Variants in EP300 observed in about 807,000 individuals in gnomAD.
EP300 encodes EP300 lysine acetyltransferase, also known as histone acetyltransferase p300.
Under a neutral mutation model 264.0 loss-of-function variants are expected in EP300, and 31 were observed. The ratio of observed to expected loss-of-function variants is 0.12; its 90% CI spans 0.09 to 0.16. The LOEUF (loss-of-function observed/expected upper bound fraction) is 0.16, where lower values mean the gene tolerates loss of function less well. Among genes scored for constraint, EP300 ranks in the 10% least tolerant of loss-of-function variants. The pLI, the probability that EP300 is intolerant of heterozygous loss-of-function variation, is 1.00. For missense variants in EP300, 2,766 were observed against 3,052.9 expected, an observed-to-expected ratio of 0.91 and a Z score of 2.21; for synonymous variants, 1,340 against 1,045.4, an observed-to-expected ratio of 1.28 and a Z score of -5.44.
chr22:41,098,579 G>T (rs1286399841), intron 1 of EP300, among the ~76,000 whole-genome samples: 1 of 152,114 alleles, frequency 6.6e-6, no homozygotes, highest in Non-Finnish European at 1.5e-5. Flanking sequence ...CACCGTGTTA[G>T]CAAGGATGGT....
intron 3 of EP300, among the ~76,000 whole-genome samples, chr22:41,126,729 CTTTTTTTTTTTTTTTTTTTT>C (rs71328775): frequency 4.1e-5 from 2 of 48,792 alleles, no homozygotes; most frequent in Non-Finnish European, 6.8e-5. Flanking sequence ...GAAATGTTCA[CTTTTTTTTTTTTTTTTTTTT>C]TTTTTTTTTT....
At chr22:41,108,244 C>CTTTTTTTTTTTTTTTTTT (rs1184276266) in intron 1 of EP300, 29 of 112,034 alleles carry the variant, frequency 2.6e-4, no homozygotes, top group East Asian at 5.0e-4. Flanking sequence ...TTTTCTTTTT[C>CTTTTTTTTTTTTTTTTTT]TTTTTTTTTT....
intron 1 of EP300, among the ~76,000 whole-genome samples, chr22:41,100,092 G>A (rs1325463679): frequency 1.3e-5 from 2 of 152,090 alleles, no homozygotes; most frequent in Non-Finnish European, 2.9e-5. Context: ...AGTCAGCAAG[G>A]CATGGTGGCA....
Position 41,149,111 on chromosome 22 carries a change from C to T in EP300, c.2315C>T (p.Ser772Leu), listed in dbSNP as rs776869457. ...TTCCTTCCTCAGACTCAGTTCCCAT[C>T]ACAGGGAATGAATGTAACAAATATC... ...GQFLPQTQFP[S>L]QGMNVTNIPL... is the part of the protein sequence containing the mutation. The change falls in exon 13 of 31, where the codon TCA becomes TTA. Residue 772 changes from serine to leucine, a missense_variant. Transcript: ENST00000263253. 1.2e-6 allele frequency: 2 copies of T among 1,613,548 alleles called. No homozygotes were observed. The highest frequency in any genetic ancestry group is 2.2e-5 in the East Asian group (1 of 44,862).
In EP300 at chr22:41,117,090, G is replaced by T. The variant is rs2144342; in HGVS notation, c.95-97G>T. 0.64 allele frequency: 682,526 copies of T among 1,068,178 alleles called. 220,636 individuals carry two copies. The highest frequency in any genetic ancestry group is 0.79 in the Admixed American group (41,562 of 52,306). The allele number at this position is 1,068,178 out of a possible 1,614,324, so 66.2% of individuals were successfully genotyped here. ...AAATAGAAAAACATGGAGTGAGGTTGGGAAATGACATTTAATGCTTATTGA... is the reference window on the plus strand; with the variant it reads ...AAATAGAAAAACATGGAGTGAGGTTTGGAAATGACATTTAATGCTTATTGA... On this transcript the variant is annotated intron_variant, in intron 1 of 30. Transcript: ENST00000263253.
intron 9 of EP300, 69 bp from the exon 10 acceptor site, chr22:41,140,974 GTTTAT>G: frequency 7.1e-7 from 1 of 1,400,348 alleles, no homozygotes; most frequent in South Asian, 1.3e-5. Flanking sequence ...TCTATTCTCA[GTTTAT>G]TTTTTCTGTT....
rs1569113926 is a variant in EP300 at position 41,164,142 on chromosome 22, CGTT to C, written c.3806+16_3806+18del. 5 of 1,612,482 alleles carry C rather than the reference CGTT, an allele frequency of 3.1e-6. No individual in the cohort carries two copies. The highest frequency in any genetic ancestry group is 4.5e-5 in the East Asian group (2 of 44,876). On this transcript the variant is annotated intron_variant, in intron 22 of 30. Transcript: ENST00000263253. ...ATCTGGCCTGCTGGGTAAGTCTTAACGTTGTTACTTTCTCTGGAATTTTTCTTT... is the reference window on the plus strand; with the variant it reads ...ATCTGGCCTGCTGGGTAAGTCTTAACGTTACTTTCTCTGGAATTTTTCTTT...
intron 14 of EP300, among the ~76,000 whole-genome samples, chr22:41,151,518 G>A (rs1300951678): frequency 6.6e-6 from 1 of 152,108 alleles, no homozygotes; most frequent in Admixed American, 6.6e-5. Context: ...ACTCATTTCT[G>A]TATAAATGTG....
chr22:41,119,399 A>G (rs2058840088), intron 2 of EP300, among the ~76,000 whole-genome samples: 1 of 151,976 alleles, frequency 6.6e-6, no homozygotes, highest in African/African-American at 2.4e-5. Flanking sequence ...AAGGTAAATT[A>G]TTAAGTACCT....
chr22:41,117,894 C>T (rs1362283157), intron 2 of EP300, 73 bp downstream of exon 2: 7 of 1,604,986 alleles, frequency 4.4e-6, no homozygotes, highest in African/African-American at 1.3e-5. Context: ...GAGGGTTTGC[C>T]TTACATTGTA....
chr22:41,161,891 C>G (rs1286598616), intron 20 of EP300, among the ~76,000 whole-genome samples: 6 of 152,080 alleles, frequency 3.9e-5, no homozygotes, highest in African/African-American at 7.2e-5. Context: ...ATACTAGGAG[C>G]CTTTGATCCT....
At chr22:41,105,807 G>A (rs943616024) in intron 1 of EP300, among the ~76,000 whole-genome samples, 1 of 152,172 alleles carries the variant, frequency 6.6e-6, no homozygotes, top group African/African-American at 2.4e-5. Flanking sequence ...TTTGAAATTT[G>A]CTTGCACTTT....
intron 1 of EP300, among the ~76,000 whole-genome samples, chr22:41,106,298 G>A (rs2058757730): frequency 6.6e-6 from 1 of 152,176 alleles, no homozygotes. Context: ...GGTAGTTTCA[G>A]TGTTTAGCCA....
chr22:41,093,057 T>G lies in EP300; in HGVS notation c.53T>G (p.Leu18Arg). 2 of 1,614,034 alleles carry G rather than the reference T, an allele frequency of 1.2e-6. No homozygotes were observed. The highest frequency in any genetic ancestry group is 2.7e-5 in the African/African-American group (2 of 75,008). ...PGPPSAKRPK[L>R]SSPALSASAS... ...CCGCCTTCAGCCAAGCGGCCTAAAC[T>G]CTCATCTCCGGCCCTCTCGGCGTCC... The change falls in exon 1 of 31, where the codon CTC becomes CGC. Residue 18 changes from leucine to arginine, a missense_variant. Coordinates refer to ENST00000263253, the MANE Select transcript of EP300 (RefSeq NM_001429.4).
chr22:41,132,536 C>T (rs1480182658), intron 6 of EP300, among the ~76,000 whole-genome samples: 1 of 152,056 alleles, frequency 6.6e-6, no homozygotes, highest in Non-Finnish European at 1.5e-5. Flanking sequence ...ATCCACCCAC[C>T]TGGGCCTCCC....
Position 41,162,696 on chromosome 22 carries a change from C to T in EP300, c.3672-27C>T, listed in dbSNP as rs747831409. The T allele has an allele frequency of 5.1e-6, 8 of 1,582,700 alleles. No homozygotes were observed. In the East Asian group the frequency reaches 1.8e-4, roughly 35 times the overall value. ...AGATTGCTCATCTCTATCACTTTTT[C>T]TCATTGTGTCCCTTTTCTCTCCTTA... On this transcript the variant is annotated intron_variant, in intron 20 of 30. Transcript: ENST00000263253.
intron 2 of EP300, among the ~76,000 whole-genome samples, chr22:41,122,435 G>GGAT (rs1189073015): frequency 2.0e-5 from 3 of 151,782 alleles, no homozygotes; most frequent in Non-Finnish European, 2.9e-5. Context: ...CAAAGTGCTG[G>GGAT]GATTACAGGC....
At position 41,168,569 on chromosome 22, in the gene EP300, C is replaced by T. The variant is rs757601786; in HGVS notation, c.3995C>T (p.Thr1332Ile). ...AGAGTAGTTCATGCTTCTGACAAAACCGTGGAAGTAAAACCAGGCATGAAA... is the reference window on the plus strand; with the variant it reads ...AGAGTAGTTCATGCTTCTGACAAAATCGTGGAAGTAAAACCAGGCATGAAA... ...TVRVVHASDK[T>I]VEVKPGMKAR... Residue 1332 changes from threonine to isoleucine, a missense_variant, in exon 24 of 31, where the codon ACC (threonine) becomes ATC (isoleucine). Coordinates refer to ENST00000263253, the MANE Select transcript of EP300 (RefSeq NM_001429.4). 2.5e-6 allele frequency: 4 copies of T among 1,614,196 alleles called. No individual in the cohort carries two copies. Among genetic ancestry groups the T allele is most frequent in the Non-Finnish European group, 3.4e-6 (4 of 1,180,036 alleles).
intron 10 of EP300, among the ~76,000 whole-genome samples, chr22:41,145,763 A>G (rs1407488095): frequency 6.6e-6 from 1 of 151,734 alleles, no homozygotes; most frequent in Non-Finnish European, 1.5e-5. Context: ...CAGCCTCCCG[A>G]GTAGCTGGGA....
Sources: gnomAD v4.1 joint callset for allele counts (sites outside exome capture counted in the v4.1 genomes callset) on GRCh38, gnomAD v4.1.1 for gene constraint, MANE v1.5 for transcripts, NCBI Gene and HGNC (gene_info 2026-07-23, HGNC 2026-07-21) for gene names.